The following PAMR1 variants were observed in gnomAD, a reference collection of about 807,000 sequenced individuals.
PAMR1 encodes peptidase domain containing associated with muscle regeneration 1.
PAMR1 carries 88 observed loss-of-function variants against 81.8 expected under a neutral mutation model. The observed-to-expected ratio is 1.08, with a 90% confidence interval of 0.91 to 1.28. The LOEUF is 1.28. Ranked by LOEUF, PAMR1 falls within the 50% of genes most tolerant of loss-of-function variation. PAMR1 has a pLI of 0.00. For missense variants in PAMR1, 935 were observed against 919.7 expected (o/e 1.02, Z -0.21); for synonymous variants, 336 against 345.3 (o/e 0.97, Z 0.30).
chr11:35,506,132 G>GAACA (rs71044521), intron 1 of PAMR1, among the ~76,000 whole-genome samples: 46,996 of 149,134 alleles, frequency 0.32, 7,470 homozygotes, highest in African/African-American at 0.37. Flanking sequence ...AAAAAAACAG[G>GAACA]AAGAAAGAAA....
At chr11:35,489,647 C>T (rs1486174837) in intron 3 of PAMR1, among the ~76,000 whole-genome samples, 1 of 152,198 alleles carries the variant, frequency 6.6e-6, no homozygotes, top group East Asian at 1.9e-4. Context: ...CATCACCTTG[C>T]TCTAATCATA....
Position 35,434,502 on chromosome 11 carries a change from C to T in PAMR1, c.1626+10G>A, listed in dbSNP as rs1435536414. 7 of 1,605,950 alleles carry T rather than the reference C, an allele frequency of 4.4e-6. No individual in the cohort carries two copies. The Admixed American group carries it at 1.2e-4, about 27-fold the overall frequency. On this transcript the variant is annotated intron_variant, in intron 10 of 10. Coordinates refer to ENST00000619888, the MANE Select transcript of PAMR1 (RefSeq NM_001001991.3). ...AGAGCCCCAGCTTCCAAGTGCAAGC[C>T]CTCTCTTACCTGTAGGCTCTGGATG... is the stretch of plus-strand genomic sequence containing the variant.
Position 35,468,094 on chromosome 11 carries a change from G to T in PAMR1, c.727C>A (p.Pro243Thr), listed in dbSNP as rs1463420116. The T allele has an allele frequency of 1.9e-6, 3 of 1,552,450 alleles. No individual in the cohort carries two copies. The highest frequency in any genetic ancestry group is 2.4e-5 in the East Asian group (1 of 41,258). ...YEEITACSSS[P>T]CFHDGTCVLD... ...ACGCACGTGCCGTCATGGAAACAAG[G>T]GGATGAGGAGCATGCTGTAAGAGAA... is the stretch of plus-strand genomic sequence containing the variant. The change falls in exon 6 of 11, where the codon CCT becomes ACT. Residue 243 changes from proline (P) to threonine (T), a missense_variant. Coordinates refer to ENST00000619888, the MANE Select transcript of PAMR1 (RefSeq NM_001001991.3).
At chr11:35,519,909 C>A (rs1851239693) in intron 1 of PAMR1, among the ~76,000 whole-genome samples, 1 of 152,166 alleles carries the variant, frequency 6.6e-6, no homozygotes, top group African/African-American at 2.4e-5. Context: ...AGACTGGATT[C>A]AAAAACATGG....
chr11:35,434,812 G>C lies in PAMR1; in HGVS notation c.1334-8C>G, dbSNP rs998552957. On this transcript the variant is annotated splice_region_variant and splice_polypyrimidine_tract_variant and intron_variant, in intron 9 of 10. Transcript: ENST00000619888. ...TCTCAATTTTCCCGCAGACTATGGA[G>C]AAAGTACCAGCTTAGTAAGATAAAC... 1.2e-6 allele frequency: 2 copies of C among 1,610,308 alleles called. No homozygotes were observed. Among genetic ancestry groups the C allele is most frequent in the Non-Finnish European group, 1.7e-6 (2 of 1,176,912 alleles).
At chr11:35,528,446 G>A (rs1298615582), upstream of PAMR1, among the ~76,000 whole-genome samples, 1 of 152,054 alleles carries the variant, frequency 6.6e-6, no homozygotes, top group Non-Finnish European at 1.5e-5. Context: ...CTTTTTGTTT[G>A]TCTTGCCACT....
intron 9 of PAMR1, among the ~76,000 whole-genome samples, chr11:35,435,181 C>A (rs1022735272): frequency 1.3e-5 from 2 of 152,098 alleles, no homozygotes; most frequent in Non-Finnish European, 2.9e-5. Context: ...CAAACAAACT[C>A]AAAATATCAT....
rs1193843603 is a variant in PAMR1, at chr11:35,470,720, A to G, written c.593T>C (p.Val198Ala). The change falls in exon 5 of 11, where the codon GTC (valine) becomes GCC (alanine). Residue 198 changes from valine (V) to alanine (A), a missense_variant. Val to Ala is a moderately conservative substitution (Grantham distance 64, BLOSUM62 0). Transcript: ENST00000619888. ...DNRDGQIIKR[V>A]CGNERPAPIQ... The stretch of plus-strand genomic sequence containing the variant: ...AGGAGCTGGCCGCTCGTTGCCACAG[A>G]CACGCTTGATGATCTGGCCATCGCG... 2 of 1,614,130 alleles carry G rather than the reference A, an allele frequency of 1.2e-6. No homozygotes were observed. Among genetic ancestry groups the G allele is most frequent in the African/African-American group, 1.3e-5 (1 of 75,030 alleles).
At chr11:35,488,271 A>G (rs1850549366) in intron 3 of PAMR1, among the ~76,000 whole-genome samples, 1 of 138,406 alleles carries the variant, frequency 7.2e-6, no homozygotes, top group African/African-American at 2.8e-5. Flanking sequence ...GCTGGAATGC[A>G]GTGGTGTAAT....
chr11:35,511,336 T>C (rs1851068947), intron 1 of PAMR1, among the ~76,000 whole-genome samples: 1 of 152,254 alleles, frequency 6.6e-6, no homozygotes, highest in Non-Finnish European at 1.5e-5. Context: ...GTGCAATGTC[T>C]TCAACATTAT....
chr11:35,482,853 T>C (rs1342275267), intron 3 of PAMR1, among the ~76,000 whole-genome samples: 2 of 152,178 alleles, frequency 1.3e-5, no homozygotes, highest in African/African-American at 2.4e-5. Context: ...TGTTGATGTA[T>C]AGGAATGTTT....
rs74949156 is a variant in PAMR1, at chr11:35,483,901, A to G, written c.379+8144T>C. On this transcript the variant is annotated intron_variant, in intron 3 of 10. Transcript: ENST00000619888. ...CATAAAATATAAAATACTATTTGCC[A>G]TACAATACTTTGTCTGGTGAAGACT... is the stretch of plus-strand genomic sequence containing the variant. Among the ~76,000 whole-genome samples the G allele has an allele frequency of 0.017, 2,519 of 152,304 alleles. 165 individuals carry two copies. The East Asian group carries it at 0.19, about 11-fold the overall frequency.
intron 3 of PAMR1, among the ~76,000 whole-genome samples, chr11:35,487,045 C>G (rs1276604304): frequency 6.6e-6 from 1 of 152,100 alleles, no homozygotes; most frequent in Non-Finnish European, 1.5e-5. Context: ...GCTTCTGCGA[C>G]CCACCCTGAG....
At chr11:35,495,348 A>G (rs919048560) in intron 1 of PAMR1, among the ~76,000 whole-genome samples, 1 of 152,156 alleles carries the variant, frequency 6.6e-6, no homozygotes, top group Non-Finnish European at 1.5e-5. Context: ...AGAAAAAAAA[A>G]AAAAATCCCT....
chr11:35,468,184 T>A (rs1462718776), intron 5 of PAMR1, 76 bp from the exon 6 acceptor site: 2 of 788,440 alleles, frequency 2.5e-6, no homozygotes, highest in Non-Finnish European at 2.1e-6. Context: ...TTGACCAAAG[T>A]CTTTTAATTC....
chr11:35,511,661 G>T (rs1026853902), intron 1 of PAMR1, among the ~76,000 whole-genome samples: 2 of 152,120 alleles, frequency 1.3e-5, no homozygotes, highest in Non-Finnish European at 2.9e-5. Flanking sequence ...AACTTTCTGA[G>T]ACCAGAGGGA....
intron 6 of PAMR1, among the ~76,000 whole-genome samples, chr11:35,450,558 G>T (rs1225793137): frequency 6.6e-6 from 1 of 152,166 alleles, no homozygotes; most frequent in Non-Finnish European, 1.5e-5. Flanking sequence ...AGTCCATGTT[G>T]CTTCACTGAT....
chr11:35,481,776 C>T (rs560202265), intron 3 of PAMR1, among the ~76,000 whole-genome samples: 1 of 152,292 alleles, frequency 6.6e-6, no homozygotes, highest in South Asian at 2.1e-4. Flanking sequence ...ATCGCCTCAG[C>T]CTCCCAAAGT....
At chr11:35,518,313 T>G (rs1444314845) in intron 1 of PAMR1, among the ~76,000 whole-genome samples, 2 of 151,904 alleles carry the variant, frequency 1.3e-5, no homozygotes, top group Admixed American at 1.3e-4. Flanking sequence ...GCAACTTGTC[T>G]TAGGACATTT....
Sources: allele counts gnomAD v4.1 joint callset (sites outside exome capture counted in the v4.1 genomes callset), GRCh38; gene constraint gnomAD v4.1.1; transcripts MANE v1.5; gene names NCBI Gene and HGNC (gene_info 2026-07-23, HGNC 2026-07-21).